DGKB: variants seen among roughly 807,000 people sequenced by gnomAD.
The protein encoded by DGKB is diacylglycerol kinase beta.
In DGKB, 67 loss-of-function variants were observed where a neutral mutation model predicts 114.3. That is an observed-to-expected ratio of 0.59 (90% CI 0.48 to 0.72). The LOEUF (loss-of-function observed/expected upper bound fraction) is 0.72. DGKB is among the 30% of genes least tolerant of loss of function. DGKB has a pLI of 0.00. For missense variants in DGKB, 907 were observed against 975.2 expected, an observed-to-expected ratio of 0.93 and a Z score of 0.93; for synonymous variants, 398 against 323.1, an observed-to-expected ratio of 1.23 and a Z score of -2.49.
At chr7:14,750,411 T>C (rs1833932832) in intron 4 of DGKB, among the ~76,000 whole-genome samples, 1 of 152,194 alleles carries the variant, frequency 6.6e-6, no homozygotes. Context: ...AAACGTTGTG[T>C]TGACTGTAAC....
chr7:14,850,707 G>C (rs1386057684), intron 1 of DGKB, among the ~76,000 whole-genome samples: 1 of 152,110 alleles, frequency 6.6e-6, no homozygotes, highest in Non-Finnish European at 1.5e-5. Flanking sequence ...GTGGTGAAGT[G>C]ATCTCACTAA....
intron 16 of DGKB, among the ~76,000 whole-genome samples, chr7:14,611,037 G>A (rs1040971925): frequency 1.3e-5 from 2 of 151,910 alleles, no homozygotes; most frequent in Admixed American, 6.6e-5. Flanking sequence ...TGTCATCCCG[G>A]TAAATTCCTC....
At chr7:14,934,732 C>G (rs1348537726) in intron 1 of DGKB, among the ~76,000 whole-genome samples, 4 of 152,142 alleles carry the variant, frequency 2.6e-5, no homozygotes, top group African/African-American at 9.7e-5. Flanking sequence ...AGAATTAATA[C>G]TGAAGCAGGT....
At chr7:14,658,379 G>C (rs1816294826) in intron 13 of DGKB, among the ~76,000 whole-genome samples, 1 of 151,954 alleles carries the variant, frequency 6.6e-6, no homozygotes, top group Non-Finnish European at 1.5e-5. Context: ...TTCCATGCGG[G>C]TAGAGAGTAG....
intron 5 of DGKB, among the ~76,000 whole-genome samples, chr7:14,729,446 C>A (rs5024288): frequency 0.69 from 105,083 of 152,032 alleles, 40,415 homozygotes; most frequent in East Asian, 0.88. Context: ...ACAACTTGAA[C>A]AGTAAATATC....
intron 1 of DGKB, among the ~76,000 whole-genome samples, chr7:14,852,483 A>C (rs1179866512): frequency 1.4e-5 from 2 of 147,380 alleles, no homozygotes; most frequent in African/African-American, 4.9e-5. Flanking sequence ...AAAATAGTGA[A>C]AGTCAAAAAA....
chr7:14,900,725 T>G (rs999678107), intron 1 of DGKB, among the ~76,000 whole-genome samples: 20 of 152,292 alleles, frequency 1.3e-4, no homozygotes, highest in African/African-American at 4.8e-4. Context: ...CAGTCATAAC[T>G]TGAGCTTTGC....
chr7:14,253,038 A>ATT (rs557165578), intron 23 of DGKB, among the ~76,000 whole-genome samples: 7 of 142,518 alleles, frequency 4.9e-5, no homozygotes, highest in South Asian at 4.5e-4. Context: ...GTTTAAATTC[A>ATT]TTTTTTTTTT....
chr7:14,311,889 T>C (rs907623257), intron 23 of DGKB, among the ~76,000 whole-genome samples: 25 of 152,204 alleles, frequency 1.6e-4, no homozygotes, highest in African/African-American at 6.0e-4. Context: ...CTCTGGAATA[T>C]TCCTATTTAT....
At chr7:14,199,209 T>C (rs896563773) in intron 23 of DGKB, among the ~76,000 whole-genome samples, 7 of 152,002 alleles carry the variant, frequency 4.6e-5, no homozygotes, top group East Asian at 1.9e-4. Flanking sequence ...CCACTTTTGA[T>C]AGACAAAAAT....
At chr7:14,368,399 T>C (rs1287965404) in intron 21 of DGKB, among the ~76,000 whole-genome samples, 2 of 152,148 alleles carry the variant, frequency 1.3e-5, no homozygotes. Context: ...TTTAGGGTGA[T>C]TTTATGAATC....
At chr7:14,632,882 A>G (rs963069364) in intron 13 of DGKB, among the ~76,000 whole-genome samples, 2 of 151,916 alleles carry the variant, frequency 1.3e-5, no homozygotes, top group Non-Finnish European at 1.5e-5. Flanking sequence ...CAGGCATCGC[A>G]CTTTTCCAAA....
chr7:14,670,631 T>C (rs1183480094), intron 13 of DGKB, among the ~76,000 whole-genome samples: 2 of 152,076 alleles, frequency 1.3e-5, no homozygotes, highest in African/African-American at 2.4e-5. Flanking sequence ...GCTATAGTCA[T>C]CATACTGTAC....
intron 20 of DGKB, among the ~76,000 whole-genome samples, chr7:14,534,513 G>A (rs1201657067): frequency 6.6e-6 from 1 of 152,060 alleles, no homozygotes; most frequent in East Asian, 1.9e-4. Context: ...TAGAGTAGAT[G>A]AATGGACAAA....
chr7:14,825,234 A>G (rs1845537280), intron 2 of DGKB, among the ~76,000 whole-genome samples: 1 of 151,522 alleles, frequency 6.6e-6, no homozygotes, highest in African/African-American at 2.4e-5. Context: ...GGCACCAGGG[A>G]CCAGTGTCAT....
intron 9 of DGKB, among the ~76,000 whole-genome samples, chr7:14,686,398 C>T (rs146483962): frequency 4.6e-5 from 7 of 152,186 alleles, no homozygotes; most frequent in Admixed American, 1.3e-4. Flanking sequence ...TGTTTGTAGT[C>T]TAATCATCAA....
At chr7:14,537,851 C>A (rs368272086) in intron 20 of DGKB, among the ~76,000 whole-genome samples, 1 of 152,002 alleles carries the variant, frequency 6.6e-6, no homozygotes, top group African/African-American at 2.4e-5. Flanking sequence ...GAGGCCAAGG[C>A]GGGTGGATCA....
At chr7:14,745,533 G>A (rs909460321) in intron 4 of DGKB, among the ~76,000 whole-genome samples, 1 of 152,200 alleles carries the variant, frequency 6.6e-6, no homozygotes, top group African/African-American at 2.4e-5. Flanking sequence ...CATGGTCACA[G>A]AGAAAAATTC....
At chr7:14,205,490 A>G (rs1786629492) in intron 23 of DGKB, among the ~76,000 whole-genome samples, 1 of 151,992 alleles carries the variant, frequency 6.6e-6, no homozygotes, top group Admixed American at 6.6e-5. Context: ...TCTGGTTCAC[A>G]GAATTGTTTG....
Sources: allele counts gnomAD v4.1 joint callset (sites outside exome capture counted in the v4.1 genomes callset), GRCh38; gene constraint gnomAD v4.1.1; transcripts MANE v1.5; gene names NCBI Gene and HGNC (gene_info 2026-07-23, HGNC 2026-07-21).